The following HGD variants were observed in gnomAD, a reference collection of about 807,000 sequenced individuals.
HGD encodes homogentisate oxidase.
A neutral mutation model predicts 60.8 loss-of-function variants in HGD; 61 were observed. The observed-to-expected ratio is 1.00, with a 90% CI of 0.82 to 1.24. The LOEUF (loss-of-function observed/expected upper bound fraction) is 1.24. Among genes scored for constraint, HGD ranks in the 50% most tolerant of loss-of-function variants. The pLI, the probability that HGD is intolerant of heterozygous loss-of-function variation, is 0.00. For missense variants in HGD, 542 were observed against 547.1 expected (o/e 0.99, Z 0.09); for synonymous variants, 212 against 187.7 (o/e 1.13, Z -1.06).
chr3:120,676,443 GA>G (rs940307676), intron 1 of HGD, among the ~76,000 whole-genome samples: 3 of 51,520 alleles, frequency 5.8e-5, no homozygotes, highest in East Asian at 2.9e-4. Context: ...ACACCCAGAG[GA>G]AAAAAAAAGT....
rs559785372 is a variant in HGD at position 120,658,582 on chromosome 3, A to T, written c.283-5931T>A. Among the ~76,000 whole-genome samples the T allele has an allele frequency of 9.2e-5, 14 of 152,224 alleles. No homozygotes were observed. The East Asian group carries it at 2.1e-3, about 23-fold the overall frequency. ...CACGGTGCAATCTGTGGATGGATCT[A>T]CCTTTCTGGAGTCTAGAGAATGGTA... is the stretch of plus-strand genomic sequence containing the variant. On this transcript the variant is annotated intron_variant, in intron 4 of 13. Coordinates refer to ENST00000283871, the MANE Select transcript of HGD (RefSeq NM_000187.4).
intron 4 of HGD, among the ~76,000 whole-genome samples, chr3:120,668,294 A>G (rs1707945827): frequency 6.6e-6 from 1 of 152,086 alleles, no homozygotes; most frequent in Admixed American, 6.6e-5. Flanking sequence ...TCCCTGGTAG[A>G]GAGGGGTGGT....
intron 4 of HGD, among the ~76,000 whole-genome samples, chr3:120,656,634 C>A (rs1401664420): frequency 6.6e-6 from 1 of 152,068 alleles, no homozygotes; most frequent in Non-Finnish European, 1.5e-5. Context: ...TCACTGCAAC[C>A]TCCACCTCCT....
At chr3:120,637,554 G>A (rs1348106605) in intron 12 of HGD, among the ~76,000 whole-genome samples, 2 of 152,144 alleles carry the variant, frequency 1.3e-5, no homozygotes, top group South Asian at 2.1e-4. Context: ...AATGCAGGCT[G>A]CAGTCTGCTT....
intron 5 of HGD, among the ~76,000 whole-genome samples, chr3:120,652,094 T>A (rs1179795113): frequency 6.6e-6 from 1 of 152,160 alleles, no homozygotes; most frequent in African/African-American, 2.4e-5. Flanking sequence ...CATACCAGAA[T>A]TATTAGATGT....
chr3:120,640,273 G>C (rs986585617), intron 11 of HGD, among the ~76,000 whole-genome samples: 5 of 151,540 alleles, frequency 3.3e-5, no homozygotes, highest in Admixed American at 2.0e-4. Flanking sequence ...GGAGGACTAA[G>C]GAAGTGGGAA....
At chr3:120,641,550 G>A (rs987963056) in intron 11 of HGD, 39 bp downstream of exon 11, 15 of 1,294,290 alleles carry the variant, frequency 1.2e-5, no homozygotes, top group Non-Finnish European at 1.6e-5. Flanking sequence ...CCACCCAAGC[G>A]TTGCCTCATC....
intron 8 of HGD, 112 bp downstream of exon 8, chr3:120,646,861 C>T (rs1028081222): frequency 4.0e-5 from 35 of 885,784 alleles, no homozygotes; most frequent in Middle Eastern, 2.2e-4. Flanking sequence ...ATTCCCTCCT[C>T]GTTGCCCAGA....
Position 120,682,121 on chromosome 3 carries a change from C to T in HGD, c.-10G>A. 1.2e-6 allele frequency: 2 copies of T among 1,613,960 alleles called. No homozygotes were observed. The highest frequency in any genetic ancestry group is 8.5e-7 in the Non-Finnish European group (1 of 1,179,834). On this transcript the variant is annotated 5_prime_UTR_variant, in exon 1 of 14. Transcript: ENST00000283871. Reference sequence around the variant, plus strand: ...CCTTTAACTCAGCCATTTTCTCTCTCCTCTATGTGTGGTGACTTCAGGAAA... The same window carrying T: ...CCTTTAACTCAGCCATTTTCTCTCTTCTCTATGTGTGGTGACTTCAGGAAA...
chr3:120,646,268 A>G lies in HGD; in HGVS notation c.648T>C (p.Ile216=). The change falls in exon 9 of 14, where the codon ATT becomes ATC. Residue 216 remains isoleucine (I), a splice_region_variant and synonymous_variant. Coordinates refer to ENST00000283871, the MANE Select transcript of HGD (RefSeq NM_000187.4). ...VHFELPDLGP[I]GANGLANPRD... ...TAGAGGCTTGTAATGAAGATTTACCAATTGGTCCAAGGTCAGGTAACTCAA... is the reference window on the plus strand; with the variant it reads ...TAGAGGCTTGTAATGAAGATTTACCGATTGGTCCAAGGTCAGGTAACTCAA... 1 of 1,585,638 alleles carries G rather than the reference A, an allele frequency of 6.3e-7. No individual in the cohort carries two copies. Among genetic ancestry groups the G allele is most frequent in the African/African-American group, 1.3e-5 (1 of 74,426 alleles).
At chr3:120,649,887 A>G (rs933455320) in intron 6 of HGD, among the ~76,000 whole-genome samples, 5 of 152,148 alleles carry the variant, frequency 3.3e-5, no homozygotes, top group African/African-American at 7.2e-5. Flanking sequence ...GTGGTGAAAC[A>G]CTGTGGAGTC....
Position 120,682,105 on chromosome 3 carries a change from C to CA in HGD, c.6dup (p.Glu3Ter). ...GTCAGATGGTTTCTTACCTTTAACT[C>CA]AGCCATTTTCTCTCTCCTCTATGTG... On this transcript the variant is annotated frameshift_variant, in exon 1 of 14. Transcript: ENST00000283871. LOFTEE classifies it high-confidence loss of function. The CA allele has an allele frequency of 6.2e-7, 1 of 1,614,070 alleles. No individual in the cohort carries two copies.
intron 4 of HGD, among the ~76,000 whole-genome samples, chr3:120,659,108 T>C (rs1388279055): frequency 2.0e-5 from 3 of 152,262 alleles, no homozygotes; most frequent in Non-Finnish European, 4.4e-5. Context: ...TTTTTATTTA[T>C]GCAAATTTCT....
chr3:120,679,156 T>C (rs1344985586), intron 1 of HGD, among the ~76,000 whole-genome samples: 2 of 152,220 alleles, frequency 1.3e-5, no homozygotes, highest in African/African-American at 2.4e-5. Context: ...CTTTGGCAGC[T>C]TATGAGTATA....
chr3:120,628,672 C>T, intron 13 of HGD, 143 bp from the exon 14 acceptor site: 2 of 970,582 alleles, frequency 2.1e-6, no homozygotes, highest in East Asian at 2.6e-5. Flanking sequence ...GTGAGGAGAG[C>T]AGGCTCAAGC....
chr3:120,668,352 A>T (rs1707947237), intron 4 of HGD, among the ~76,000 whole-genome samples: 1 of 152,178 alleles, frequency 6.6e-6, no homozygotes, highest in Non-Finnish European at 1.5e-5. Flanking sequence ...TAATTAAGAC[A>T]AGAGAGAGAA....
At chr3:120,670,626 A>G (rs1708006147) in intron 3 of HGD, 94 bp from the exon 4 acceptor site, 2 of 794,580 alleles carry the variant, frequency 2.5e-6, no homozygotes, top group Admixed American at 1.7e-5. Flanking sequence ...GAAGACACTC[A>G]AGTCAACAAC....
intron 12 of HGD, among the ~76,000 whole-genome samples, chr3:120,635,903 C>T (rs1191461823): frequency 6.6e-6 from 1 of 152,088 alleles, no homozygotes; most frequent in Non-Finnish European, 1.5e-5. Flanking sequence ...GATGGGGACA[C>T]ACCCTAGGCC....
intron 12 of HGD, among the ~76,000 whole-genome samples, chr3:120,635,075 C>T (rs1428428623): frequency 6.6e-6 from 1 of 152,196 alleles, no homozygotes; most frequent in Non-Finnish European, 1.5e-5. Context: ...CAGAATTCAG[C>T]TTTGATCTGA....
Sources: allele counts gnomAD v4.1 joint callset (sites outside exome capture counted in the v4.1 genomes callset), GRCh38; gene constraint gnomAD v4.1.1; transcripts MANE v1.5; gene names NCBI Gene and HGNC (gene_info 2026-07-23, HGNC 2026-07-21).